PBLD: variants seen among roughly 807,000 people sequenced by gnomAD.
The protein encoded by PBLD is phenazine biosynthesis like protein domain containing.
Under a neutral mutation model 31.3 loss-of-function variants are expected in PBLD, and 26 were observed. That is an observed-to-expected ratio of 0.83 (90% CI 0.61 to 1.15). The LOEUF (loss-of-function observed/expected upper bound fraction) is 1.15, where lower values mean the gene tolerates loss of function less well. Ranked by LOEUF, PBLD falls within the 50% of genes most tolerant of loss-of-function variation. The probability of loss-of-function intolerance (pLI) is 0.00; values close to 1 mark genes in which losing one functional copy is unlikely to be tolerated. For synonymous variants in PBLD, 114 were observed against 129.0 expected (o/e 0.88, Z 0.79); for missense variants, 307 against 351.7 (o/e 0.87, Z 1.02).
intron 9 of PBLD, chr10:68,285,073 C>A (rs1488457532): frequency 7.8e-7 from 1 of 1,286,902 alleles, no homozygotes; most frequent in African/African-American, 1.5e-5. Flanking sequence ...TAAATAACCT[C>A]TCTGGGCCAA....
chr10:68,330,547 G>T (rs539425397), intron 1 of PBLD, among the ~76,000 whole-genome samples: 203 of 151,956 alleles, frequency 1.3e-3, no homozygotes, highest in African/African-American at 4.1e-3. Flanking sequence ...TGATTTTTTT[G>T]GGGGGGAAAG....
intron 1 of PBLD, among the ~76,000 whole-genome samples, chr10:68,315,068 G>A (rs572632238): frequency 6.6e-6 from 1 of 152,136 alleles, no homozygotes; most frequent in Non-Finnish European, 1.5e-5. Flanking sequence ...GGGATCACAG[G>A]TGTGAGCCAC....
chr10:68,289,753 T>A (rs558399360), intron 6 of PBLD, among the ~76,000 whole-genome samples: 1 of 151,666 alleles, frequency 6.6e-6, no homozygotes, highest in Non-Finnish European at 1.5e-5. Context: ...CTGTCCATCA[T>A]CTTTAGAGAT....
At chr10:68,303,012 C>T (rs1487370755) in intron 2 of PBLD, among the ~76,000 whole-genome samples, 8 of 152,030 alleles carry the variant, frequency 5.3e-5, no homozygotes, top group East Asian at 1.9e-4. Flanking sequence ...TCTACAAGGT[C>T]TTTATTGTCA....
chr10:68,284,904 A>G (rs2044267969), intron 9 of PBLD, among the ~76,000 whole-genome samples: 1 of 152,252 alleles, frequency 6.6e-6, no homozygotes, highest in Admixed American at 6.5e-5. Context: ...TGATCAGGGC[A>G]GTGCAGCCTC....
Position 68,318,170 on chromosome 10 carries a change from T to C in PBLD, c.-59-11267A>G, listed in dbSNP as rs1342824445. 4.6e-5 allele frequency among the ~76,000 whole-genome samples: 7 copies of C among 151,952 alleles called. No homozygotes were observed. The South Asian group carries it at 1.5e-3, about 32-fold the overall frequency. Reference sequence around the variant, plus strand: ...AGAACCTGGGAGGCGGAGTTTGCAGTGAGCCGAGATCAAGCCACTGCACTC... The same window carrying C: ...AGAACCTGGGAGGCGGAGTTTGCAGCGAGCCGAGATCAAGCCACTGCACTC... On this transcript the variant is annotated intron_variant, in intron 1 of 9. Transcript: ENST00000358769.
At chr10:68,306,620 T>C (rs954193762) in intron 2 of PBLD, 141 bp downstream of exon 2, 68 of 654,398 alleles carry the variant, frequency 1.0e-4, no homozygotes, top group Non-Finnish European at 9.9e-5. Flanking sequence ...TCAACTTGCA[T>C]ACATGAACAT....
chr10:68,313,224 A>G (rs1369870024), intron 1 of PBLD, among the ~76,000 whole-genome samples: 1 of 152,124 alleles, frequency 6.6e-6, no homozygotes, highest in Non-Finnish European at 1.5e-5. Flanking sequence ...CGAGTTTCTT[A>G]TATTTTTTGA....
chr10:68,297,124 T>A, intron 2 of PBLD, 139 bp from the exon 3 acceptor site: 1 of 687,792 alleles, frequency 1.5e-6, no homozygotes, highest in Non-Finnish European at 2.5e-6. Context: ...ACCAAGGAAT[T>A]CAAGGCACTT....
chr10:68,296,224 C>A (rs2134446728), intron 4 of PBLD, 42 bp downstream of exon 4: 2 of 1,437,532 alleles, frequency 1.4e-6, no homozygotes, highest in Admixed American at 2.1e-5. Flanking sequence ...AAAAAAAAAG[C>A]CATTTGCTAA....
At chr10:68,286,085 C>T (rs200166823) in intron 8 of PBLD, among the ~76,000 whole-genome samples, 202 of 103,318 alleles carry the variant, frequency 2.0e-3, no homozygotes, top group Admixed American at 2.7e-3. Flanking sequence ...TTGAATAATT[C>T]TTTTTTTTTT....
At chr10:68,300,045 C>T (rs1261454373) in intron 2 of PBLD, among the ~76,000 whole-genome samples, 1 of 152,030 alleles carries the variant, frequency 6.6e-6, no homozygotes, top group Non-Finnish European at 1.5e-5. Context: ...TGCAGACCAC[C>T]ATGCCCAGCT....
At chr10:68,326,606 T>C (rs1474632444) in intron 1 of PBLD, among the ~76,000 whole-genome samples, 1 of 152,222 alleles carries the variant, frequency 6.6e-6, no homozygotes, top group Non-Finnish European at 1.5e-5. Flanking sequence ...TCACTGCTAT[T>C]AAATGAGTTT....
chr10:68,319,800 T>TA (rs1329803233), intron 1 of PBLD, among the ~76,000 whole-genome samples: 3 of 151,196 alleles, frequency 2.0e-5, no homozygotes, highest in African/African-American at 7.3e-5. Context: ...AATTTTTATT[T>TA]TTTATTTATT....
chr10:68,318,375 T>TAA (rs34722771), intron 1 of PBLD, among the ~76,000 whole-genome samples: 3,857 of 51,174 alleles, frequency 0.075, 503 homozygotes, highest in African/African-American at 0.11. Flanking sequence ...CTGCCTCTAT[T>TAA]AAAAAAAAAA....
chr10:68,296,365 C>T lies in PBLD; in HGVS notation c.185-1G>A, dbSNP rs757245002. 6.2e-7 allele frequency: 1 copy of T among 1,610,494 alleles called. No homozygotes were observed. The highest frequency in any genetic ancestry group is 1.3e-5 in the African/African-American group (1 of 74,900). On this transcript the variant is annotated splice_acceptor_variant, in intron 3 of 9. Transcript: ENST00000358769. LOFTEE classifies it high-confidence loss of function. ...AACCATCTCAGTCCAAAGCAGGAACCTGAGGATAGGAAAAGCCAAAGAGAG... is the reference window on the plus strand; with the variant it reads ...AACCATCTCAGTCCAAAGCAGGAACTTGAGGATAGGAAAAGCCAAAGAGAG...
In PBLD at chr10:68,288,260, C is replaced by T. The variant is rs1013960517; in HGVS notation, c.691+223G>A. The T allele has an allele frequency of 2.4e-5, 13 of 531,706 alleles. No homozygotes were observed. The African/African-American group carries it at 2.5e-4, about 10-fold the overall frequency. 32.9% of individuals were successfully genotyped at this position (531,706 alleles called of 1,614,324 possible). On this transcript the variant is annotated intron_variant, in intron 8 of 9. Transcript: ENST00000358769. ...AGCTAGGAAGCTAGGAATGTAAACC[C>T]AGGCTGTCTGACACTCAGGTTTAAC...
chr10:68,297,145 TG>T, intron 2 of PBLD, 160 bp from the exon 3 acceptor site: 1 of 632,580 alleles, frequency 1.6e-6, no homozygotes, highest in African/African-American at 1.8e-5. Flanking sequence ...TTATAAAGAT[TG>T]GTTCTCAGAA....
At chr10:68,307,478 C>T (rs2044597511) in intron 1 of PBLD, among the ~76,000 whole-genome samples, 1 of 151,754 alleles carries the variant, frequency 6.6e-6, no homozygotes, top group South Asian at 2.1e-4. Flanking sequence ...CCAGAACTAG[C>T]TTAGGATCTG....
Sources: allele counts gnomAD v4.1 joint callset (sites outside exome capture counted in the v4.1 genomes callset), GRCh38; gene constraint gnomAD v4.1.1; transcripts MANE v1.5; gene names NCBI Gene and HGNC (gene_info 2026-07-23, HGNC 2026-07-21).